UBE3A: variants seen among roughly 807,000 people sequenced by gnomAD.
UBE3A encodes ubiquitin-protein ligase E3A.
A neutral mutation model predicts 83.4 loss-of-function variants in UBE3A; 6 were observed. That is an observed-to-expected ratio of 0.07 (90% CI 0.04 to 0.14). The LOEUF is 0.14. UBE3A is among the 10% of genes least tolerant of loss of function. The probability of loss-of-function intolerance (pLI) is 1.00; values close to 1 mark genes in which losing one functional copy is unlikely to be tolerated. For synonymous variants in UBE3A, 337 were observed against 355.4 expected (o/e 0.95, Z 0.58); for missense variants, 456 against 1,036.1 (o/e 0.44, Z 7.69).
intron 11 of UBE3A, among the ~76,000 whole-genome samples, chr15:25,344,794 A>G (rs1418470458): frequency 6.6e-6 from 1 of 152,156 alleles, no homozygotes; most frequent in Non-Finnish European, 1.5e-5. Flanking sequence ...TGCCAGGTAT[A>G]TATGTAGGAC....
At chr15:25,404,669 C>A (rs1340138089) in intron 4 of UBE3A, among the ~76,000 whole-genome samples, 2 of 152,172 alleles carry the variant, frequency 1.3e-5, no homozygotes, top group Admixed American at 6.5e-5. Context: ...ATTAAAAATA[C>A]ACGTTTGACA....
At chr15:25,417,633 T>C (rs1447778623) in intron 1 of UBE3A, among the ~76,000 whole-genome samples, 1 of 151,760 alleles carries the variant, frequency 6.6e-6, no homozygotes. Context: ...TCTTGAAATA[T>C]AAAGCGAAAT....
At chr15:25,402,977 C>CCCAACCTTT (rs1477094306) in intron 4 of UBE3A, among the ~76,000 whole-genome samples, 4 of 152,122 alleles carry the variant, frequency 2.6e-5, no homozygotes, top group African/African-American at 9.7e-5. Flanking sequence ...GGTCTGGCAT[C>CCCAACCTTT]CCAACCTTTC....
At chr15:25,426,907 C>G (rs1370796912) in intron 1 of UBE3A, among the ~76,000 whole-genome samples, 7 of 151,902 alleles carry the variant, frequency 4.6e-5, no homozygotes, top group Non-Finnish European at 1.5e-5. Context: ...CAGCCTGGAA[C>G]TCCAGGGTTC....
chr15:25,422,840 A>G (rs1186710386), intron 1 of UBE3A, among the ~76,000 whole-genome samples: 1 of 149,338 alleles, frequency 6.7e-6, no homozygotes, highest in Non-Finnish European at 1.5e-5. Context: ...CCAACCAACC[A>G]AAAAAAAACC....
In UBE3A at chr15:25,424,506, C is replaced by T. The variant is rs140672992; in HGVS notation, c.-164-12535G>A. ...ATGATCTCTTTTTAGGATTTAAGTGCCATGAAAGCAAAGGACTGAGTGGGT... is the reference window on the plus strand; with the variant it reads ...ATGATCTCTTTTTAGGATTTAAGTGTCATGAAAGCAAAGGACTGAGTGGGT... On this transcript the variant is annotated intron_variant, in intron 1 of 12. Transcript: ENST00000648336. Among the ~76,000 whole-genome samples the T allele has an allele frequency of 6.2e-3, 947 of 152,174 alleles. 15 individuals are homozygous for T. The highest frequency in any genetic ancestry group is 0.01 in the Middle Eastern group (3 of 294).
chr15:25,439,037 C>G (rs1312594118), upstream of UBE3A: 1 of 151,752 alleles, frequency 6.6e-6, no homozygotes, highest in Non-Finnish European at 1.5e-5. Context: ...CTGGGCGGGC[C>G]GAGTATCCCG....
intron 9 of UBE3A, 30 bp downstream of exon 9, chr15:25,355,862 G>C: frequency 6.3e-7 from 1 of 1,595,392 alleles, no homozygotes; most frequent in Non-Finnish European, 8.6e-7. Flanking sequence ...TTAATGAAGA[G>C]ACAAAATGTG....
Position 25,371,887 on chromosome 15 carries a change from A to G in UBE3A, c.362-75T>C. On this transcript the variant is annotated intron_variant, in intron 5 of 12. Coordinates refer to ENST00000648336, the MANE Select transcript of UBE3A (RefSeq NM_130839.5). The surrounding 1 kb of genome is among the most constrained non-coding windows in gnomAD (Gnocchi z 5.3). ...TTTACTCTGTTGCAAAAAGTTCTAA[A>G]AGTAAAACAGCCAAACATTCTAGGC... 7.1e-7 allele frequency: 1 copy of G among 1,417,322 alleles called. No individual in the cohort carries two copies. Among genetic ancestry groups the G allele is most frequent in the Non-Finnish European group, 9.5e-7 (1 of 1,048,440 alleles). The allele number at this position is 1,417,322 out of a possible 1,614,324, so 87.8% of individuals were successfully genotyped here. A position where few individuals can be genotyped will look rare whatever the true frequency, so the allele number is the denominator to read the frequency against.
chr15:25,359,494 A>T (rs557950912), intron 7 of UBE3A, among the ~76,000 whole-genome samples: 9 of 150,792 alleles, frequency 6.0e-5, no homozygotes, highest in African/African-American at 2.2e-4. Context: ...GGTCAACTCA[A>T]TTAGAATCAA....
intron 1 of UBE3A, among the ~76,000 whole-genome samples, chr15:25,428,955 C>G (rs1892214207): frequency 6.6e-6 from 1 of 152,086 alleles, no homozygotes; most frequent in Admixed American, 6.5e-5. Context: ...GAAAACAACT[C>G]AAAATATCCA....
intron 7 of UBE3A, among the ~76,000 whole-genome samples, chr15:25,358,055 G>C (rs1159229803): frequency 6.6e-6 from 1 of 151,734 alleles, no homozygotes; most frequent in African/African-American, 2.4e-5. Flanking sequence ...CGCCTGCGTG[G>C]AGGCCTTTTT....
At chr15:25,395,991 T>C (rs2085474682) in intron 4 of UBE3A, among the ~76,000 whole-genome samples, 1 of 151,984 alleles carries the variant, frequency 6.6e-6, no homozygotes, top group African/African-American at 2.4e-5. Context: ...GATCACGAGG[T>C]CAGGAGTTCA....
In UBE3A at chr15:25,339,022, T is replaced by G; in HGVS notation, c.*115A>C. 8.1e-7 allele frequency: 1 copy of G among 1,227,300 alleles called. No individual in the cohort carries two copies. The highest frequency in any genetic ancestry group is 1.1e-6 in the Non-Finnish European group (1 of 926,950). The allele number at this position is 1,227,300 out of a possible 1,614,324, so 76.0% of individuals were successfully genotyped here. On this transcript the variant is annotated 3_prime_UTR_variant, in exon 13 of 13. Coordinates refer to ENST00000648336, the MANE Select transcript of UBE3A (RefSeq NM_130839.5). Reference sequence around the variant, plus strand: ...GTGGTTGACTATCTTACAGCCTTTTTGTACTGGGACACTATCACCACCAAA... The same window carrying G: ...GTGGTTGACTATCTTACAGCCTTTTGGTACTGGGACACTATCACCACCAAA...
At chr15:25,412,153 C>T (rs910143992) in intron 1 of UBE3A, among the ~76,000 whole-genome samples, 182 bp from the exon 2 acceptor site, 3 of 152,076 alleles carry the variant, frequency 2.0e-5, no homozygotes, top group African/African-American at 4.8e-5. Flanking sequence ...GGTAGGCAGG[C>T]CCTGTGGCCT....
chr15:25,348,500 AG>A (rs1033570597), intron 11 of UBE3A, among the ~76,000 whole-genome samples: 1 of 152,198 alleles, frequency 6.6e-6, no homozygotes, highest in Non-Finnish European at 1.5e-5. Flanking sequence ...ATAGAGGAAC[AG>A]TAATAAATAA....
chr15:25,369,408 T>G (rs2079924877), intron 6 of UBE3A, among the ~76,000 whole-genome samples: 1 of 151,334 alleles, frequency 6.6e-6, no homozygotes, highest in Non-Finnish European at 1.5e-5. Flanking sequence ...TCTCTGCAAT[T>G]TTTAATTTCT....
chr15:25,402,939 G>C (rs1054747465), intron 4 of UBE3A, among the ~76,000 whole-genome samples: 2 of 152,128 alleles, frequency 1.3e-5, no homozygotes, highest in African/African-American at 2.4e-5. Context: ...CTAGACCTCA[G>C]GCTTTTCTTA....
intron 2 of UBE3A, among the ~76,000 whole-genome samples, chr15:25,410,556 C>T (rs918387408): frequency 6.6e-6 from 1 of 152,122 alleles, no homozygotes; most frequent in East Asian, 1.9e-4. Flanking sequence ...AATAGTCAAG[C>T]GTAAAAGGTG....
Sources: allele counts gnomAD v4.1 joint callset (sites outside exome capture counted in the v4.1 genomes callset), GRCh38; gene constraint gnomAD v4.1.1; non-coding constraint Gnocchi (gnomAD v3.1); transcripts MANE v1.5; gene names NCBI Gene and HGNC (gene_info 2026-07-23, HGNC 2026-07-21).